DNAH17: variants seen among roughly 807,000 people sequenced by gnomAD.
The protein encoded by DNAH17 is axonemal beta dynein heavy chain 17.
A neutral mutation model predicts 485.6 loss-of-function variants in DNAH17; 376 were observed. That is an observed-to-expected ratio of 0.77 (90% CI 0.71 to 0.84). The LOEUF is 0.84. DNAH17 is among the 40% of genes least tolerant of loss of function. DNAH17 has a pLI of 0.00. For missense variants in DNAH17, 6,370 were observed against 5,839.3 expected (o/e 1.09, Z -2.96); for synonymous variants, 3,031 against 2,405.9 (o/e 1.26, Z -7.60).
chr17:78,463,559 C>T (rs1335189294), intron 56 of DNAH17, among the ~76,000 whole-genome samples: 6 of 152,076 alleles, frequency 3.9e-5, no homozygotes, highest in Non-Finnish European at 7.4e-5. Context: ...CATACCTGCA[C>T]ATATACACAT....
rs2091901947 is a variant in DNAH17, at chr17:78,551,544, C to G, written c.2382G>C (p.Gln794His). The part of the protein sequence containing the change: ...KAKQNIEGIS[Q>H]AMKDWSANPL... ...TCTGCCCCTTGCTTACCTTCATAGC[C>G]TGGGAAATTCCTTCTATATTTTGTT... The change falls in exon 16 of 81, where the codon CAG (glutamine) becomes CAC (histidine). Residue 794 changes from glutamine (Q) to histidine (H), a missense_variant. Physicochemically the swap from Gln to His is conservative, Grantham distance 24. Transcript: ENST00000389840. 6 of 1,614,026 alleles carry G rather than the reference C, an allele frequency of 3.7e-6. No individual in the cohort carries two copies. Among genetic ancestry groups the G allele is most frequent in the Non-Finnish European group, 5.1e-6 (6 of 1,179,864 alleles).
chr17:78,533,687 C>T (rs1358949096), intron 19 of DNAH17, among the ~76,000 whole-genome samples: 10 of 152,072 alleles, frequency 6.6e-5, no homozygotes, highest in Non-Finnish European at 1.0e-4. Context: ...GAAATTTTGA[C>T]ATCTTATTTC....
At chr17:78,522,364 A>G (rs539299394) in intron 25 of DNAH17, 9 of 282,676 alleles carry the variant, frequency 3.2e-5, no homozygotes, top group Non-Finnish European at 5.7e-5. Context: ...AGAAATTAAA[A>G]TGCTAGAGGA....
intron 9 of DNAH17, among the ~76,000 whole-genome samples, chr17:78,568,300 T>A (rs903419388): frequency 4.6e-5 from 7 of 152,118 alleles, no homozygotes; most frequent in Non-Finnish European, 1.0e-4. Context: ...GCTCTGTGAC[T>A]GCAATTTTGA....
At position 78,441,064 on chromosome 17, in the gene DNAH17, G is replaced by A. The variant is rs750310922; in HGVS notation, c.11664C>T (p.Asp3888=). The A allele has an allele frequency of 3.6e-5, 57 of 1,596,536 alleles. No individual in the cohort carries two copies. The highest frequency in any genetic ancestry group is 1.1e-4 in the Admixed American group (6 of 56,760). The change falls in exon 72 of 81, where the codon GAC becomes GAT. Residue 3888 remains aspartate (D), a synonymous_variant. Coordinates refer to ENST00000389840, the MANE Select transcript of DNAH17 (RefSeq NM_173628.4). ...ILSPGVDPLK[D]VEALGKKLGF... is the part of the protein sequence containing the mutation. The stretch of plus-strand genomic sequence containing the variant: ...TGCTACACTTACCCAGGGCTTCCAC[G>A]TCTTTCAAGGGGTCAACCCCCGGGG...
intron 47 of DNAH17, 157 bp from the exon 48 acceptor site, chr17:78,485,190 G>T (rs2089543653): frequency 1.1e-6 from 1 of 914,328 alleles, no homozygotes; most frequent in African/African-American, 1.7e-5. Context: ...GGCCCTTGAG[G>T]GGGCACCGGG....
rs1474498768 is a variant in DNAH17 at position 78,441,268 on chromosome 17, GCTGTGGC to G, written c.11529-76_11529-70del. The G allele has an allele frequency of 3.2e-5, 50 of 1,572,626 alleles. No homozygotes were observed. The Middle Eastern group carries it at 1.4e-3, about 44-fold the overall frequency. On this transcript the variant is annotated intron_variant, in intron 71 of 80. Transcript: ENST00000389840. ...GGCCAGGGCGGGGCGCTCGGGGTGG[GCTGTGGC>G]CCAGGCAGGGGGGCCATTTTTTGGT...
At chr17:78,547,338 G>A (rs1342674800) in intron 16 of DNAH17, among the ~76,000 whole-genome samples, 1 of 152,172 alleles carries the variant, frequency 6.6e-6, no homozygotes, top group African/African-American at 2.4e-5. Flanking sequence ...ATTGTCAGGA[G>A]TCTTTCTCAA....
In DNAH17 at chr17:78,490,860, C is replaced by G. The variant is rs1210836796; in HGVS notation, c.6670-13G>C. The G allele has an allele frequency of 1.9e-6, 3 of 1,585,164 alleles. No individual in the cohort carries two copies. In the African/African-American group the frequency reaches 4.0e-5, roughly 21 times the overall value. ...CCAGGGTGAGGACCTAGGAGGGGGA[C>G]AGCAGCCCGTGGGGTCCTAAGGCGA... On this transcript the variant is annotated splice_polypyrimidine_tract_variant and intron_variant, in intron 43 of 80. Coordinates refer to ENST00000389840, the MANE Select transcript of DNAH17 (RefSeq NM_173628.4).
chr17:78,568,500 T>C (rs922960899), intron 9 of DNAH17, among the ~76,000 whole-genome samples: 2 of 152,198 alleles, frequency 1.3e-5, no homozygotes, highest in Non-Finnish European at 2.9e-5. Context: ...AATTACACCA[T>C]GCAGAAGATA....
intron 69 of DNAH17, among the ~76,000 whole-genome samples, chr17:78,448,350 A>C (rs1258048212): frequency 6.6e-6 from 1 of 152,018 alleles, no homozygotes; most frequent in Non-Finnish European, 1.5e-5. Context: ...AAATAAATAA[A>C]TAAATAAAAA....
chr17:78,433,736 T>C (rs2086760115), intron 75 of DNAH17, among the ~76,000 whole-genome samples: 1 of 151,792 alleles, frequency 6.6e-6, no homozygotes, highest in Non-Finnish European at 1.5e-5. Context: ...GCGTGGAGTG[T>C]GCTAACAAGC....
At chr17:78,568,813 C>T (rs976314399) in intron 9 of DNAH17, among the ~76,000 whole-genome samples, 7 of 152,184 alleles carry the variant, frequency 4.6e-5, no homozygotes, top group Admixed American at 1.3e-4. Flanking sequence ...GGTGCTTGCA[C>T]GGGGGCCTTC....
At chr17:78,479,332 T>C (rs1165274126) in intron 50 of DNAH17, among the ~76,000 whole-genome samples, 153 bp downstream of exon 50, 1 of 152,226 alleles carries the variant, frequency 6.6e-6, no homozygotes, top group Admixed American at 6.5e-5. Flanking sequence ...CAATTGTATT[T>C]CACAATTTCT....
intron 70 of DNAH17, 113 bp from the exon 71 acceptor site, chr17:78,444,910 G>T: frequency 1.8e-6 from 2 of 1,119,078 alleles, no homozygotes; most frequent in Non-Finnish European, 2.4e-6. Context: ...GGAAACCGGG[G>T]CTCTGGGATA....
At chr17:78,482,262 G>A (rs572682533) in intron 48 of DNAH17, among the ~76,000 whole-genome samples, 88 of 152,134 alleles carry the variant, frequency 5.8e-4, no homozygotes, top group African/African-American at 1.9e-3. Flanking sequence ...CTGGGTTCAA[G>A]TGATCCTCCT....
rs11655345 is a variant in DNAH17, at chr17:78,507,297, G to A, written c.4657C>T (p.Leu1553=). The A allele has an allele frequency of 4.3e-6, 7 of 1,614,034 alleles. No homozygotes were observed. Among genetic ancestry groups the A allele is most frequent in the Non-Finnish European group, 5.9e-6 (7 of 1,179,892 alleles). Residue 1553 remains leucine (L), a synonymous_variant, in exon 29 of 81, where the codon CTG becomes TTG. Coordinates refer to ENST00000389840, the MANE Select transcript of DNAH17 (RefSeq NM_173628.4). ...CCGCACCTCTTCTTCAGGGCCTCCA[G>A]TTTATTGTAGAGGCCGGGTTTGCTG... The part of the protein sequence containing the change: ...ATSKPGLYNK[L]EALKKSLAIC...
intron 13 of DNAH17, 43 bp downstream of exon 13, chr17:78,560,697 C>T (rs576477347): frequency 6.6e-6 from 10 of 1,505,298 alleles, no homozygotes; most frequent in Admixed American, 6.2e-5. Context: ...CCTCCCCCCG[C>T]TCCCAAGGAG....
rs1473816148 is a variant in DNAH17 at position 78,510,552 on chromosome 17, C to T, written c.4114-46G>A. ...CAGGATTCATTTCAGGTCATGTGCACTCTGCAGTGGGCAGACGTCATGATC... is the reference window on the plus strand; with the variant it reads ...CAGGATTCATTTCAGGTCATGTGCATTCTGCAGTGGGCAGACGTCATGATC... On this transcript the variant is annotated intron_variant, in intron 26 of 80. Coordinates refer to ENST00000389840, the MANE Select transcript of DNAH17 (RefSeq NM_173628.4). The T allele has an allele frequency of 6.2e-6, 10 of 1,608,038 alleles. No individual in the cohort carries two copies. The African/African-American group carries it at 1.3e-4, about 21-fold the overall frequency.
Sources: gnomAD v4.1 joint callset for allele counts (sites outside exome capture counted in the v4.1 genomes callset) on GRCh38, gnomAD v4.1.1 for gene constraint, MANE v1.5 for transcripts, NCBI Gene and HGNC (gene_info 2026-07-23, HGNC 2026-07-21) for gene names.